Variants in SERTM1 observed in about 807,000 individuals in gnomAD.
The protein encoded by SERTM1 is serine rich and transmembrane domain containing 1.
A neutral mutation model predicts 5.5 loss-of-function variants in SERTM1; 1 was observed. That is an observed-to-expected ratio of 0.18 (90% confidence interval 0.06 to 0.86). The LOEUF is 0.86. SERTM1 is among the 40% of genes least tolerant of loss of function. The probability of loss-of-function intolerance (pLI) is 0.69; values close to 1 mark genes in which losing one functional copy is unlikely to be tolerated. For synonymous variants in SERTM1, 52 were observed against 55.1 expected (o/e 0.94, Z 0.25); for missense variants, 91 against 122.4 (o/e 0.74, Z 1.21).
chr13:36,691,200 C>T (rs1005614283), intron 1 of SERTM1, among the ~76,000 whole-genome samples: 2 of 152,188 alleles, frequency 1.3e-5, no homozygotes, highest in African/African-American at 4.8e-5. Context: ...GAGATGAGAG[C>T]TGGTCAACTC....
chr13:36,693,305 G>A (rs908005979), intron 1 of SERTM1, among the ~76,000 whole-genome samples: 3 of 151,976 alleles, frequency 2.0e-5, no homozygotes, highest in African/African-American at 2.4e-5. Flanking sequence ...AAAGATGAAC[G>A]GCTGGAACAT....
intron 1 of SERTM1, among the ~76,000 whole-genome samples, chr13:36,680,936 T>G (rs1442281131): frequency 1.3e-5 from 2 of 152,204 alleles, no homozygotes; most frequent in Non-Finnish European, 2.9e-5. Context: ...AGGTACCTAG[T>G]ACCTGCTATA....
chr13:36,680,055 A>G (rs2056693994), intron 1 of SERTM1, among the ~76,000 whole-genome samples: 1 of 152,222 alleles, frequency 6.6e-6, no homozygotes, highest in South Asian at 2.1e-4. Flanking sequence ...TATCTCATGT[A>G]TATTCAAATA....
chr13:36,695,427 T>C lies in SERTM1; in HGVS notation c.*25T>C, dbSNP rs371874458. The C allele has an allele frequency of 1.0e-5, 16 of 1,575,066 alleles. No homozygotes were observed. In the African/African-American group the frequency reaches 2.2e-4, roughly 21 times the overall value. On this transcript the variant is annotated 3_prime_UTR_variant, in exon 2 of 2. Coordinates refer to ENST00000315190, the MANE Select transcript of SERTM1 (RefSeq NM_203451.3). ...AGGAAAATGGAAGAGTCCTTGAGTG[T>C]GGCAGCAGTTTTGACATCCCCTTAC...
At chr13:36,690,457 G>GC (rs1169316677) in intron 1 of SERTM1, among the ~76,000 whole-genome samples, 1 of 152,306 alleles carries the variant, frequency 6.6e-6, no homozygotes, top group East Asian at 1.9e-4. Flanking sequence ...GCCTTTGAAT[G>GC]CAAGTGAAGA....
At chr13:36,692,731 T>A (rs2056787039) in intron 1 of SERTM1, among the ~76,000 whole-genome samples, 1 of 152,206 alleles carries the variant, frequency 6.6e-6, no homozygotes, top group Non-Finnish European at 1.5e-5. Flanking sequence ...GGGACTAAAC[T>A]GTGGGCTTGC....
chr13:36,695,675 T>C lies in SERTM1; in HGVS notation c.*273T>C. 2.0e-6 allele frequency: 1 copy of C among 492,956 alleles called. No homozygotes were observed. The highest frequency in any genetic ancestry group is 3.7e-6 in the Non-Finnish European group (1 of 269,466). The allele number at this position is 492,956 out of a possible 1,614,324, so 30.5% of individuals were successfully genotyped here. ...GGGCTTCTTCAGGTAAGTCAGTTCA[T>C]TCTACTTTGTTGGACGCCGTAGGCT... is the stretch of plus-strand genomic sequence containing the variant. On this transcript the variant is annotated 3_prime_UTR_variant, in exon 2 of 2. Transcript: ENST00000315190.
intron 1 of SERTM1, among the ~76,000 whole-genome samples, chr13:36,676,094 T>C (rs552997105): frequency 6.6e-6 from 1 of 152,174 alleles, no homozygotes; most frequent in African/African-American, 2.4e-5. Context: ...AAGATATAAA[T>C]AACTGTGTGA....
chr13:36,675,921 A>G (rs568782836), intron 1 of SERTM1, among the ~76,000 whole-genome samples: 24 of 152,260 alleles, frequency 1.6e-4, no homozygotes, highest in South Asian at 2.1e-4. Flanking sequence ...TGATTCCTCT[A>G]TATAAGGCAA....
chr13:36,680,729 T>TTTG (rs746056515), intron 1 of SERTM1, among the ~76,000 whole-genome samples: 16 of 152,148 alleles, frequency 1.1e-4, no homozygotes, highest in East Asian at 1.9e-4. Flanking sequence ...ATGGTTTTAC[T>TTTG]TTGTTGTTGT....
At chr13:36,687,046 G>A (rs1310713679) in intron 1 of SERTM1, among the ~76,000 whole-genome samples, 2 of 152,150 alleles carry the variant, frequency 1.3e-5, no homozygotes, top group Admixed American at 1.3e-4. Context: ...GGAAGAATGA[G>A]ATAATTTATT....
intron 1 of SERTM1, among the ~76,000 whole-genome samples, chr13:36,691,294 G>A (rs1008622945): frequency 3.9e-5 from 6 of 152,146 alleles, no homozygotes; most frequent in South Asian, 2.1e-4. Context: ...TAATCCTTCC[G>A]TGGGAAGGAA....
intron 1 of SERTM1, among the ~76,000 whole-genome samples, chr13:36,675,986 T>C (rs1017287378): frequency 1.3e-5 from 2 of 152,198 alleles, no homozygotes; most frequent in African/African-American, 4.8e-5. Context: ...AGAAACCTGT[T>C]GTAAGGTAAG....
chr13:36,691,468 G>A (rs1439810859), intron 1 of SERTM1, among the ~76,000 whole-genome samples: 3 of 152,084 alleles, frequency 2.0e-5, no homozygotes, highest in African/African-American at 7.2e-5. Flanking sequence ...CTGCTTTTTT[G>A]TAGATTTCTT....
intron 1 of SERTM1, among the ~76,000 whole-genome samples, chr13:36,686,430 C>G (rs1048184185): frequency 7.2e-5 from 11 of 152,186 alleles, no homozygotes; most frequent in African/African-American, 2.7e-4. Context: ...CTTCAACTTG[C>G]ACGTTGCAAA....
chr13:36,682,300 A>G (rs774817260), intron 1 of SERTM1, among the ~76,000 whole-genome samples: 2 of 152,214 alleles, frequency 1.3e-5, no homozygotes, highest in Non-Finnish European at 2.9e-5. Flanking sequence ...TGGATATAAG[A>G]TAGGTGAATT....
At chr13:36,689,434 G>A (rs1460218441) in intron 1 of SERTM1, among the ~76,000 whole-genome samples, 1 of 151,252 alleles carries the variant, frequency 6.6e-6, no homozygotes, top group Non-Finnish European at 1.5e-5. Flanking sequence ...AAACCCGGGA[G>A]GCAGAGGTTG....
At chr13:36,686,272 G>A (rs771602166) in intron 1 of SERTM1, among the ~76,000 whole-genome samples, 1 of 152,184 alleles carries the variant, frequency 6.6e-6, no homozygotes, top group African/African-American at 2.4e-5. Context: ...TGAGCTGATG[G>A]TAGCAGCAAG....
intron 1 of SERTM1, among the ~76,000 whole-genome samples, chr13:36,693,965 C>A (rs994009196): frequency 1.3e-5 from 2 of 152,210 alleles, no homozygotes. Context: ...AATGGTCCCC[C>A]CTCCACACTC....
Sources: allele counts gnomAD v4.1 joint callset (sites outside exome capture counted in the v4.1 genomes callset), GRCh38; gene constraint gnomAD v4.1.1; transcripts MANE v1.5; gene names NCBI Gene and HGNC (gene_info 2026-07-23, HGNC 2026-07-21).